LRRC7: variants seen among roughly 807,000 people sequenced by gnomAD.
The protein encoded by LRRC7 is leucine-rich repeat-containing protein 7.
In LRRC7, 23 loss-of-function variants were observed where a neutral mutation model predicts 175.7. The observed-to-expected ratio is 0.13, with a 90% CI of 0.09 to 0.19. LRRC7 has a LOEUF of 0.19. LRRC7 is among the 10% of genes least tolerant of loss of function. The pLI, the probability that LRRC7 is intolerant of heterozygous loss-of-function variation, is 1.00. For synonymous variants in LRRC7, 685 were observed against 680.9 expected (o/e 1.01, Z -0.09); for missense variants, 1,354 against 1,904.7 (o/e 0.71, Z 5.38).
chr1:69,945,882 G>T (rs910707657), intron 8 of LRRC7, among the ~76,000 whole-genome samples: 1 of 152,032 alleles, frequency 6.6e-6, no homozygotes, highest in African/African-American at 2.4e-5. Flanking sequence ...AATTTTAGTG[G>T]AACCTTTGGG....
At chr1:70,017,444 A>T (rs746634504) in intron 14 of LRRC7, among the ~76,000 whole-genome samples, 1 of 152,154 alleles carries the variant, frequency 6.6e-6, no homozygotes, top group Non-Finnish European at 1.5e-5. Context: ...AAGATAACTG[A>T]TTTGCCTACA....
In LRRC7 at chr1:70,142,828, G is replaced by T. The variant is rs1667117968; in HGVS notation, c.*20941G>T. 1 of 151,910 alleles carries T rather than the reference G, an allele frequency of 6.6e-6. No individual in the cohort carries two copies. The highest frequency in any genetic ancestry group is 2.1e-4 in the South Asian group (1 of 4,822). 9.4% of individuals were successfully genotyped at this position (151,910 alleles called of 1,614,324 possible). ...TAAACTAACATAAGCAATTCTGAAG[G>T]AAGACAGTGGTAGGTTTTCAGATGG... On this transcript the variant is annotated 3_prime_UTR_variant, in exon 27 of 27. Coordinates refer to ENST00000651989, the MANE Select transcript of LRRC7 (RefSeq NM_001370785.2).
At chr1:69,825,620 G>C (rs921540799) in intron 4 of LRRC7, 128 bp from the exon 5 acceptor site, 12 of 434,500 alleles carry the variant, frequency 2.8e-5, no homozygotes, top group African/African-American at 2.3e-4. Flanking sequence ...CTACTTAAAT[G>C]CTTATCCTAA....
intron 1 of LRRC7, among the ~76,000 whole-genome samples, chr1:69,621,626 G>A (rs1419762607): frequency 3.3e-5 from 5 of 152,248 alleles, no homozygotes; most frequent in Non-Finnish European, 7.4e-5. Flanking sequence ...CTCTCAGAGT[G>A]TTAGCTTTCA....
chr1:69,742,248 ATATC>A (rs1668793494), intron 2 of LRRC7, among the ~76,000 whole-genome samples: 1 of 152,028 alleles, frequency 6.6e-6, no homozygotes, highest in Non-Finnish European at 1.5e-5. Context: ...GAAAAACTAA[ATATC>A]AAATAGTTTA....
chr1:70,071,600 G>C (rs1421667629), intron 23 of LRRC7, among the ~76,000 whole-genome samples: 1 of 152,130 alleles, frequency 6.6e-6, no homozygotes, highest in Non-Finnish European at 1.5e-5. Context: ...TCATACAAGT[G>C]CTAATTCCTC....
chr1:69,731,146 C>CA (rs35303882), intron 2 of LRRC7, among the ~76,000 whole-genome samples: 3,481 of 151,846 alleles, frequency 0.023, 141 homozygotes, highest in African/African-American at 0.08. Flanking sequence ...ACTAAAAATA[C>CA]AAAAAAATAG....
intron 1 of LRRC7, among the ~76,000 whole-genome samples, chr1:69,652,752 A>G (rs1266123588): frequency 6.6e-6 from 1 of 152,136 alleles, no homozygotes; most frequent in East Asian, 1.9e-4. Flanking sequence ...TGATTTCAAA[A>G]CTACAGTATT....
At chr1:69,883,330 A>G (rs1260041225) in intron 7 of LRRC7, among the ~76,000 whole-genome samples, 1 of 140,728 alleles carries the variant, frequency 7.1e-6, no homozygotes, top group African/African-American at 2.7e-5. Flanking sequence ...ATGGTATCTC[A>G]TTGTGGTTTT....
chr1:70,013,536 C>A (rs987089110), intron 13 of LRRC7, among the ~76,000 whole-genome samples: 3 of 151,862 alleles, frequency 2.0e-5, no homozygotes, highest in Non-Finnish European at 4.4e-5. Flanking sequence ...CATCAAAGTG[C>A]TCATTAGAAT....
At chr1:70,026,933 T>C (rs1658171487) in intron 17 of LRRC7, among the ~76,000 whole-genome samples, 1 of 152,152 alleles carries the variant, frequency 6.6e-6, no homozygotes, top group Non-Finnish European at 1.5e-5. Context: ...GCAAAAGTGT[T>C]TGAATTCACA....
intron 2 of LRRC7, among the ~76,000 whole-genome samples, chr1:69,712,873 T>A (rs1664927846): frequency 6.6e-6 from 1 of 152,124 alleles, no homozygotes. Flanking sequence ...TTCAGCTATC[T>A]GCAAGGGAAA....
At chr1:69,813,743 AG>A (rs1285926149) in intron 4 of LRRC7, among the ~76,000 whole-genome samples, 2 of 152,120 alleles carry the variant, frequency 1.3e-5, no homozygotes, top group Non-Finnish European at 2.9e-5. Flanking sequence ...GGAAATCAAA[AG>A]AAGTGAACTT....
intron 3 of LRRC7, among the ~76,000 whole-genome samples, chr1:69,777,466 A>G (rs1672940445): frequency 6.6e-6 from 1 of 152,126 alleles, no homozygotes; most frequent in Non-Finnish European, 1.5e-5. Flanking sequence ...ATCTATTCTC[A>G]TATTCTCAGT....
At chr1:70,087,324 G>T (rs981368502) in intron 24 of LRRC7, among the ~76,000 whole-genome samples, 2 of 152,102 alleles carry the variant, frequency 1.3e-5, no homozygotes, top group African/African-American at 2.4e-5. Flanking sequence ...CCTGGAGAAA[G>T]CCAGAACTGC....
intron 7 of LRRC7, among the ~76,000 whole-genome samples, chr1:69,878,276 G>GAA (rs369453827): frequency 0.39 from 47,845 of 123,466 alleles, 9,831 homozygotes; most frequent in East Asian, 0.58. Context: ...CCTTATCTTA[G>GAA]AAAAAAAAAA....
chr1:70,041,466 G>T (rs1659887462), intron 21 of LRRC7, among the ~76,000 whole-genome samples: 1 of 152,194 alleles, frequency 6.6e-6, no homozygotes, highest in Non-Finnish European at 1.5e-5. Context: ...CCTCATGACT[G>T]GCTGTCAGTG....
At chr1:69,884,581 T>C (rs1686974097) in intron 7 of LRRC7, among the ~76,000 whole-genome samples, 1 of 138,744 alleles carries the variant, frequency 7.2e-6, no homozygotes, top group Non-Finnish European at 1.5e-5. Flanking sequence ...TTTGACTTCC[T>C]CTTTTCCTAA....
intron 22 of LRRC7, among the ~76,000 whole-genome samples, chr1:70,051,478 T>C (rs1162866558): frequency 6.6e-6 from 1 of 152,014 alleles, no homozygotes; most frequent in Non-Finnish European, 1.5e-5. Flanking sequence ...TGTAAACATA[T>C]TAATCTGGAA....
Sources: gnomAD v4.1 joint callset for allele counts (sites outside exome capture counted in the v4.1 genomes callset) on GRCh38, gnomAD v4.1.1 for gene constraint, MANE v1.5 for transcripts, NCBI Gene and HGNC (gene_info 2026-07-23, HGNC 2026-07-21) for gene names.